Variants in TTC8 observed in about 807,000 individuals in gnomAD.
TTC8 encodes tetratricopeptide repeat domain 8.
In TTC8, 47 loss-of-function variants were observed where a neutral mutation model predicts 72.5. The ratio of observed to expected loss-of-function variants is 0.65; its 90% CI spans 0.51 to 0.83. The LOEUF (loss-of-function observed/expected upper bound fraction) is 0.83, where lower values mean the gene tolerates loss of function less well. TTC8 is among the 40% of genes least tolerant of loss of function. The pLI, the probability that TTC8 is intolerant of heterozygous loss-of-function variation, is 0.00. For synonymous variants in TTC8, 199 were observed against 221.4 expected (o/e 0.90, Z 0.90); for missense variants, 611 against 623.2 (o/e 0.98, Z 0.21).
Position 88,871,138 on chromosome 14 carries a change from A to G in TTC8, c.1050-411A>G, listed in dbSNP as rs533857523. Among the ~76,000 whole-genome samples the G allele has an allele frequency of 6.6e-6, 1 of 152,240 alleles. No individual in the cohort carries two copies. The highest frequency in any genetic ancestry group is 1.5e-5 in the Non-Finnish European group (1 of 68,048). ...GTACAGCGAGCCAAAAACGGGATCC[A>G]GTCAGCTGAAAACGTAGAGGTTAAT... On this transcript the variant is annotated intron_variant, in intron 11 of 14. Coordinates refer to ENST00000380656, the MANE Select transcript of TTC8 (RefSeq NM_144596.4). This position sits in a 1 kb window ranked among gnomAD's most constrained non-coding sequence, Gnocchi z 4.1.
chr14:88,856,033 G>A (rs375700544), intron 8 of TTC8, among the ~76,000 whole-genome samples: 1 of 152,328 alleles, frequency 6.6e-6, no homozygotes, highest in African/African-American at 2.4e-5. Context: ...GCGGTGAGCT[G>A]TGATCCCACC....
Position 88,824,699 on chromosome 14 carries a change from C to G in TTC8, c.-9C>G. 1 of 1,597,674 alleles carries G rather than the reference C, an allele frequency of 6.3e-7. No homozygotes were observed. Among genetic ancestry groups the G allele is most frequent in the Non-Finnish European group, 8.5e-7 (1 of 1,171,742 alleles). ...GAGCGCTGGGCCTTCGCTGGCCGCA[C>G]CGGCAGCCATGAGCTCGGAGATGGA... On this transcript the variant is annotated 5_prime_UTR_variant, in exon 1 of 15. Transcript: ENST00000380656.
chr14:88,861,733 G>A (rs1192810485), intron 10 of TTC8, among the ~76,000 whole-genome samples: 1 of 151,988 alleles, frequency 6.6e-6, no homozygotes, highest in Non-Finnish European at 1.5e-5. Context: ...GAGAACATGC[G>A]GCACTTTTCT....
intron 9 of TTC8, among the ~76,000 whole-genome samples, chr14:88,858,754 ATTTTTTTTTTTTTT>A (rs138871136): frequency 5.8e-5 from 5 of 86,906 alleles, no homozygotes; most frequent in South Asian, 4.7e-4. Context: ...TGCCTGGATA[ATTTTTTTTTTTTTT>A]TTTTTTTTTT....
intron 7 of TTC8, among the ~76,000 whole-genome samples, chr14:88,847,247 G>T (rs1431865368): frequency 6.6e-6 from 1 of 152,160 alleles, no homozygotes; most frequent in African/African-American, 2.4e-5. Flanking sequence ...GTAATGCCAG[G>T]TGTTCCTGTG....
chr14:88,853,392 A>G (rs753669164), intron 8 of TTC8, among the ~76,000 whole-genome samples: 7 of 152,204 alleles, frequency 4.6e-5, no homozygotes, highest in Non-Finnish European at 8.8e-5. Context: ...GCTGATTTCT[A>G]GTTCTGTTCT....
At chr14:88,876,474 A>G (rs2094957834) in intron 14 of TTC8, among the ~76,000 whole-genome samples, 1 of 152,190 alleles carries the variant, frequency 6.6e-6, no homozygotes. Context: ...TTAATAATTT[A>G]TTGTATATCC....
intron 8 of TTC8, among the ~76,000 whole-genome samples, chr14:88,855,918 C>T (rs1045923798): frequency 6.6e-5 from 10 of 152,114 alleles, no homozygotes; most frequent in African/African-American, 9.6e-5. Flanking sequence ...CTGTCTTTAC[C>T]GAAACAAAAT....
At chr14:88,861,097 C>A (rs997012573) in intron 9 of TTC8, 125 bp from the exon 10 acceptor site, 3 of 762,528 alleles carry the variant, frequency 3.9e-6, no homozygotes, top group Non-Finnish European at 6.4e-6. Context: ...AGCCACCACA[C>A]CCGGCTAAAA....
intron 8 of TTC8, among the ~76,000 whole-genome samples, chr14:88,854,455 C>T (rs888452707): frequency 6.6e-5 from 10 of 152,160 alleles, no homozygotes; most frequent in South Asian, 4.1e-4. Flanking sequence ...TTAGATTGTC[C>T]GTTCTTTCAA....
rs559590771 is a variant in TTC8, at chr14:88,858,258, TG to T, written c.798+983del. 9.2e-5 allele frequency among the ~76,000 whole-genome samples: 14 copies of T among 152,184 alleles called. 1 individual carries two copies. The South Asian group carries it at 2.9e-3, about 32-fold the overall frequency. On this transcript the variant is annotated intron_variant, in intron 9 of 14. Transcript: ENST00000380656. ...GGTTACAGGTGGGAGCCACCATGCC[TG>T]GCCAGAATTTTCAATAGTGGAGTAA...
At chr14:88,829,813 A>G (rs941394081) in intron 1 of TTC8, among the ~76,000 whole-genome samples, 9 of 152,242 alleles carry the variant, frequency 5.9e-5, no homozygotes, top group African/African-American at 7.2e-5. Flanking sequence ...GGGCTCCCCA[A>G]TGAGCTGTAT....
chr14:88,858,121 C>G (rs2094865913), intron 9 of TTC8, among the ~76,000 whole-genome samples: 1 of 152,062 alleles, frequency 6.6e-6, no homozygotes, highest in Admixed American at 6.6e-5. Context: ...ACCACCATGC[C>G]TAGCTAATTT....
chr14:88,853,366 G>A (rs1346251099), intron 8 of TTC8, among the ~76,000 whole-genome samples: 1 of 152,120 alleles, frequency 6.6e-6, no homozygotes, highest in Non-Finnish European at 1.5e-5. Flanking sequence ...ACAGACCAGG[G>A]ACTAGAACCA....
chr14:88,849,465 C>A (rs972865914), intron 7 of TTC8, among the ~76,000 whole-genome samples: 6 of 152,022 alleles, frequency 3.9e-5, no homozygotes, highest in African/African-American at 1.4e-4. Flanking sequence ...TATTTAGATA[C>A]CTTGGGTGGC....
upstream of TTC8, chr14:88,824,344 C>A: frequency 3.7e-6 from 1 of 273,844 alleles, no homozygotes; most frequent in East Asian, 9.5e-5. Context: ...TCTTCCGGAC[C>A]TGCAGGGCAG....
upstream of TTC8, chr14:88,824,645 C>T (rs977391686): frequency 2.1e-6 from 3 of 1,401,452 alleles, no homozygotes; most frequent in African/African-American, 2.8e-5. Context: ...ACGCCGCCAG[C>T]TCTTCACTCC....
At chr14:88,877,214 TA>T in intron 14 of TTC8, 79 bp from the exon 15 acceptor site, 1 of 1,016,532 alleles carries the variant, frequency 9.8e-7, no homozygotes, top group African/African-American at 1.6e-5. Flanking sequence ...ATGCAGATAC[TA>T]TGTCTTATTT....
At chr14:88,848,123 C>CAAAA (rs58210253) in intron 7 of TTC8, among the ~76,000 whole-genome samples, 4 of 17,678 alleles carry the variant, frequency 2.3e-4, no homozygotes, top group Non-Finnish European at 5.1e-4. Flanking sequence ...AACTCTGTCT[C>CAAAA]AAAAAAAAAA....
Sources: gnomAD v4.1 joint callset for allele counts (sites outside exome capture counted in the v4.1 genomes callset) on GRCh38, gnomAD v4.1.1 for gene constraint, Gnocchi (gnomAD v3.1) non-coding constraint, MANE v1.5 for transcripts, NCBI Gene and HGNC (gene_info 2026-07-23, HGNC 2026-07-21) for gene names.